PLAC8: variants seen among roughly 807,000 people sequenced by gnomAD.
PLAC8 encodes the protein placenta associated 8.
A neutral mutation model predicts 12.6 loss-of-function variants in PLAC8; 6 were observed. The ratio of observed to expected loss-of-function variants is 0.48; its 90% confidence interval spans 0.26 to 0.94. The LOEUF (loss-of-function observed/expected upper bound fraction) is 0.94, where lower values mean the gene tolerates loss of function less well. Among genes scored for constraint, PLAC8 ranks in the 40% least tolerant of loss-of-function variants. PLAC8 has a pLI of 0.14. For synonymous variants in PLAC8, 54 were observed against 52.6 expected (o/e 1.03, Z -0.11); for missense variants, 122 against 152.7 (o/e 0.80, Z 1.06).
At chr4:83,101,206 C>T (rs531752576) in intron 3 of PLAC8, among the ~76,000 whole-genome samples, 22 of 152,142 alleles carry the variant, frequency 1.4e-4, no homozygotes, top group African/African-American at 3.6e-4. Flanking sequence ...GGTGAAATCC[C>T]GTCTCTACTA....
chr4:83,096,854 T>C (rs1731944298), intron 3 of PLAC8, among the ~76,000 whole-genome samples: 2 of 152,222 alleles, frequency 1.3e-5, no homozygotes, highest in African/African-American at 2.4e-5. Flanking sequence ...TTCTTTTGGT[T>C]TCCACCATCC....
chr4:83,112,206 ATATATATATATG>A (rs1287216137), intron 1 of PLAC8, among the ~76,000 whole-genome samples: 4,626 of 14,016 alleles, frequency 0.33, 314 homozygotes, highest in African/African-American at 0.36. Flanking sequence ...ATATATATGT[ATATATATATATG>A]TATATATATA....
intron 3 of PLAC8, among the ~76,000 whole-genome samples, chr4:83,100,097 C>T (rs897798667): frequency 6.6e-5 from 10 of 151,124 alleles, no homozygotes; most frequent in East Asian, 2.0e-4. Flanking sequence ...CCTGCCTAGA[C>T]GGTGGAACCC....
chr4:83,103,664 TTTTTGTTTTTG>T (rs144125487), intron 3 of PLAC8, among the ~76,000 whole-genome samples: 1,804 of 152,170 alleles, frequency 0.012, 31 homozygotes, highest in African/African-American at 0.041. Context: ...CCTTATTTGT[TTTTTGTTTTTG>T]TTTTGTTTTG....
chr4:83,110,563 A>C (rs537429632), intron 1 of PLAC8, among the ~76,000 whole-genome samples: 1 of 152,292 alleles, frequency 6.6e-6, no homozygotes, highest in South Asian at 2.1e-4. Context: ...GGTACACAGG[A>C]GGAGCTCACT....
intron 3 of PLAC8, among the ~76,000 whole-genome samples, chr4:83,103,125 G>A (rs914707539): frequency 6.7e-6 from 1 of 149,310 alleles, no homozygotes; most frequent in East Asian, 2.0e-4. Flanking sequence ...GGCTGGGCGC[G>A]GTGGCTTCTG....
intron 1 of PLAC8, among the ~76,000 whole-genome samples, chr4:83,111,632 A>G (rs1248827797): frequency 6.6e-6 from 1 of 152,250 alleles, no homozygotes; most frequent in Non-Finnish European, 1.5e-5. Flanking sequence ...TTCAGAGGAA[A>G]AACATGTTCA....
At chr4:83,093,337 C>T (rs2126139465) in intron 4 of PLAC8, 1 of 152,364 alleles carries the variant, frequency 6.6e-6, no homozygotes. Flanking sequence ...CTGCTCACAA[C>T]CCTCTCTTGA....
chr4:83,107,986 TG>T (rs1732303732), intron 1 of PLAC8, 36 bp from the exon 2 acceptor site: 1 of 93,406 alleles, frequency 1.1e-5, no homozygotes, highest in Admixed American at 1.7e-4. Context: ...ATCTCTGTTG[TG>T]GGGTGGGGGG....
At position 83,111,674 on chromosome 4, in the gene PLAC8, A is replaced by G. The variant is rs536038657; in HGVS notation, c.-30+2992T>C. 2.0e-5 allele frequency among the ~76,000 whole-genome samples: 3 copies of G among 152,320 alleles called. No individual in the cohort carries two copies. In the East Asian group the frequency reaches 5.8e-4, roughly 29 times the overall value. On this transcript the variant is annotated intron_variant, in intron 1 of 4. Transcript: ENST00000311507. Reference sequence around the variant, plus strand: ...ACCCTTATTTTTTCAAGAAGCCTATATTCTGTTTTTTAATATAATAACAGC... The same window carrying G: ...ACCCTTATTTTTTCAAGAAGCCTATGTTCTGTTTTTTAATATAATAACAGC...
chr4:83,092,013 G>A (rs769282344), intron 4 of PLAC8, among the ~76,000 whole-genome samples: 6 of 151,996 alleles, frequency 3.9e-5, no homozygotes, highest in Non-Finnish European at 5.9e-5. Flanking sequence ...CTATTTTAAC[G>A]TAAATCATGT....
chr4:83,103,647 A>C (rs1732165300), intron 3 of PLAC8, among the ~76,000 whole-genome samples: 1 of 152,108 alleles, frequency 6.6e-6, no homozygotes, highest in African/African-American at 2.4e-5. Context: ...GGCAGACTTC[A>C]TTGTTGCCTT....
intron 1 of PLAC8, among the ~76,000 whole-genome samples, chr4:83,109,551 G>A (rs1732352999): frequency 6.6e-6 from 1 of 152,200 alleles, no homozygotes; most frequent in Admixed American, 6.5e-5. Context: ...CCTGTTGAGG[G>A]GCAGAGCCGT....
intron 2 of PLAC8, among the ~76,000 whole-genome samples, chr4:83,107,122 C>A (rs1375614655): frequency 6.6e-6 from 1 of 151,606 alleles, no homozygotes; most frequent in East Asian, 1.9e-4. Flanking sequence ...ATCTCTTGAA[C>A]CTGGGAGGCG....
At chr4:83,101,211 C>T (rs1393988667) in intron 3 of PLAC8, among the ~76,000 whole-genome samples, 1 of 152,078 alleles carries the variant, frequency 6.6e-6, no homozygotes, top group South Asian at 2.1e-4. Flanking sequence ...AATCCCGTCT[C>T]TACTAAAAAT....
intron 2 of PLAC8, among the ~76,000 whole-genome samples, chr4:83,107,554 G>A (rs1732281491): frequency 8.2e-6 from 1 of 122,516 alleles, no homozygotes; most frequent in South Asian, 2.9e-4. Flanking sequence ...TCTTAACCCA[G>A]AACTTATTTT....
chr4:83,096,484 G>A (rs1288187560), intron 3 of PLAC8, among the ~76,000 whole-genome samples: 1 of 152,118 alleles, frequency 6.6e-6, no homozygotes, highest in East Asian at 1.9e-4. Flanking sequence ...GCATGCTATA[G>A]ATAATTTTAA....
intron 1 of PLAC8, among the ~76,000 whole-genome samples, chr4:83,109,124 G>GTGATCT (rs1387799926): frequency 1.3e-5 from 2 of 152,162 alleles, no homozygotes; most frequent in Admixed American, 1.3e-4. Context: ...TTCTGAAACC[G>GTGATCT]TGATCTTAGA....
intron 3 of PLAC8, among the ~76,000 whole-genome samples, chr4:83,100,662 G>A (rs1732078015): frequency 6.6e-6 from 1 of 151,928 alleles, no homozygotes; most frequent in African/African-American, 2.4e-5. Flanking sequence ...CCTCTCCTTG[G>A]GCCTCTCTAT....
Sources: allele counts gnomAD v4.1 joint callset (sites outside exome capture counted in the v4.1 genomes callset), GRCh38; gene constraint gnomAD v4.1.1; transcripts MANE v1.5; gene names NCBI Gene and HGNC (gene_info 2026-07-23, HGNC 2026-07-21).